The following LRRC4C variants were observed in gnomAD, a reference collection of about 807,000 sequenced individuals.
LRRC4C encodes leucine-rich repeat-containing protein 4C.
A neutral mutation model predicts 33.6 loss-of-function variants in LRRC4C; 5 were observed. The observed-to-expected ratio is 0.15, with a 90% CI of 0.08 to 0.31. LRRC4C has a LOEUF of 0.31. LRRC4C is among the 10% of genes least tolerant of loss of function. The probability of loss-of-function intolerance (pLI) is 1.00; values close to 1 mark genes in which losing one functional copy is unlikely to be tolerated. For missense variants in LRRC4C, 560 were observed against 796.7 expected, an observed-to-expected ratio of 0.70 and a Z score of 3.58; for synonymous variants, 329 against 302.0, an observed-to-expected ratio of 1.09 and a Z score of -0.93.
chr11:41,404,282 T>C (rs1954135214), intron 1 of LRRC4C, among the ~76,000 whole-genome samples: 1 of 152,036 alleles, frequency 6.6e-6, no homozygotes, highest in Admixed American at 6.6e-5. Context: ...AGGCAAGAGC[T>C]TCTGATTAAT....
chr11:40,537,298 T>G (rs74803306), intron 3 of LRRC4C, among the ~76,000 whole-genome samples: 3,147 of 152,274 alleles, frequency 0.021, 118 homozygotes, highest in African/African-American at 0.072. Flanking sequence ...ACCACCTGAT[T>G]CAATCCTCAC....
At chr11:41,390,797 C>T (rs1256068287) in intron 1 of LRRC4C, among the ~76,000 whole-genome samples, 1 of 151,578 alleles carries the variant, frequency 6.6e-6, no homozygotes, top group East Asian at 2.0e-4. Flanking sequence ...ATGTGCTTGC[C>T]CTCTCCACTA....
At chr11:41,280,142 C>G (rs1236528545) in intron 1 of LRRC4C, among the ~76,000 whole-genome samples, 1 of 152,094 alleles carries the variant, frequency 6.6e-6, no homozygotes, top group Non-Finnish European at 1.5e-5. Flanking sequence ...ATGTTGGTTA[C>G]TGTAAAGTAT....
At chr11:40,271,123 T>C (rs189545565) in intron 4 of LRRC4C, among the ~76,000 whole-genome samples, 14 of 152,296 alleles carry the variant, frequency 9.2e-5, no homozygotes, top group Admixed American at 1.3e-4. Flanking sequence ...TGCATCAACA[T>C]TGCTACCCCC....
At chr11:40,405,179 C>G (rs1366361502) in intron 3 of LRRC4C, among the ~76,000 whole-genome samples, 1 of 151,544 alleles carries the variant, frequency 6.6e-6, no homozygotes. Flanking sequence ...CAAATGAGCT[C>G]ATGCAATATT....
chr11:41,250,502 T>C (rs1305828133), intron 1 of LRRC4C, among the ~76,000 whole-genome samples: 1 of 152,166 alleles, frequency 6.6e-6, no homozygotes, highest in African/African-American at 2.4e-5. Flanking sequence ...AGAAAGTGAG[T>C]CCTGGCAAAA....
intron 1 of LRRC4C, among the ~76,000 whole-genome samples, chr11:41,237,400 G>C (rs1948069711): frequency 6.6e-6 from 1 of 152,118 alleles, no homozygotes; most frequent in African/African-American, 2.4e-5. Context: ...ATGATACCCT[G>C]CTAGTTAAGA....
chr11:40,830,062 A>C (rs1952341053), intron 2 of LRRC4C, among the ~76,000 whole-genome samples: 2 of 152,056 alleles, frequency 1.3e-5, no homozygotes, highest in South Asian at 4.1e-4. Context: ...GATAACTTGC[A>C]GAAAAAATTG....
At chr11:41,094,395 G>A (rs1361397888) in intron 1 of LRRC4C, among the ~76,000 whole-genome samples, 1 of 151,894 alleles carries the variant, frequency 6.6e-6, no homozygotes, top group African/African-American at 2.4e-5. Flanking sequence ...CTGGTGGCGT[G>A]TGCCTGTAGT....
intron 1 of LRRC4C, among the ~76,000 whole-genome samples, chr11:41,015,308 T>C (rs115320749): frequency 0.014 from 2,116 of 152,262 alleles, 53 homozygotes; most frequent in African/African-American, 0.049. Context: ...TAGGTATTTA[T>C]TTATATATTT....
chr11:40,974,545 C>G (rs898154083), intron 1 of LRRC4C, among the ~76,000 whole-genome samples: 1 of 152,176 alleles, frequency 6.6e-6, no homozygotes, highest in African/African-American at 2.4e-5. Flanking sequence ...CAAACTCATG[C>G]ATTTATCCTT....
At chr11:41,291,516 G>A (rs1033431917) in intron 1 of LRRC4C, among the ~76,000 whole-genome samples, 2 of 152,078 alleles carry the variant, frequency 1.3e-5, no homozygotes, top group Non-Finnish European at 1.5e-5. Flanking sequence ...TTTTGTCAAA[G>A]AGATACACAT....
intron 1 of LRRC4C, among the ~76,000 whole-genome samples, chr11:41,075,060 T>TTTTTTTTTTTTTTTTA (rs1555064937): frequency 1.2e-5 from 1 of 80,598 alleles, no homozygotes; most frequent in Non-Finnish European, 2.3e-5. Context: ...TTTTTTTTTT[T>TTTTTTTTTTTTTTTTA]TTATTATACT....
At chr11:40,877,515 C>T (rs1413545017) in intron 2 of LRRC4C, among the ~76,000 whole-genome samples, 1 of 152,148 alleles carries the variant, frequency 6.6e-6, no homozygotes, top group Non-Finnish European at 1.5e-5. Context: ...ATATCCTCTG[C>T]TATTTCATCA....
chr11:40,580,498 C>T (rs1049035232), intron 3 of LRRC4C, among the ~76,000 whole-genome samples: 5 of 152,166 alleles, frequency 3.3e-5, no homozygotes, highest in Non-Finnish European at 5.9e-5. Context: ...GATGCAGAGT[C>T]AAACCATATC....
At chr11:40,383,686 CATTTT>C (rs907009884) in intron 3 of LRRC4C, among the ~76,000 whole-genome samples, 5 of 151,618 alleles carry the variant, frequency 3.3e-5, no homozygotes, top group African/African-American at 1.2e-4. Flanking sequence ...ATCCTGTGCC[CATTTT>C]ATTTATTTAT....
intron 1 of LRRC4C, among the ~76,000 whole-genome samples, chr11:40,967,430 T>C (rs1851441779): frequency 6.6e-6 from 1 of 152,066 alleles, no homozygotes; most frequent in Admixed American, 6.6e-5. Flanking sequence ...GTGCTTCACT[T>C]TATTGTGCTT....
chr11:41,057,311 C>T (rs1858700344), intron 1 of LRRC4C, among the ~76,000 whole-genome samples: 1 of 152,212 alleles, frequency 6.6e-6, no homozygotes, highest in South Asian at 2.1e-4. Flanking sequence ...CCGCCTAAGA[C>T]CCTCCAAACT....
intron 3 of LRRC4C, among the ~76,000 whole-genome samples, chr11:40,358,859 C>T (rs145582374): frequency 0.013 from 1,968 of 152,010 alleles, 28 homozygotes; most frequent in African/African-American, 0.042. Flanking sequence ...TTCATTCATT[C>T]ATTTATTTAT....
Sources: gnomAD v4.1 joint callset for allele counts (sites outside exome capture counted in the v4.1 genomes callset) on GRCh38, gnomAD v4.1.1 for gene constraint, MANE v1.5 for transcripts, NCBI Gene and HGNC (gene_info 2026-07-23, HGNC 2026-07-21) for gene names.